The following COL13A1 variants were observed in gnomAD, a reference collection of about 807,000 sequenced individuals.
COL13A1 encodes collagen alpha-1(XIII) chain.
Under a neutral mutation model 130.9 loss-of-function variants are expected in COL13A1, and 89 were observed. That is an observed-to-expected ratio of 0.68 (90% CI 0.57 to 0.81). The LOEUF (loss-of-function observed/expected upper bound fraction) is 0.81. Among genes scored for constraint, COL13A1 ranks in the 30% least tolerant of loss-of-function variants. The pLI is 0.00. For synonymous variants in COL13A1, 402 were observed against 341.6 expected (o/e 1.18, Z -1.95); for missense variants, 879 against 934.6 (o/e 0.94, Z 0.78).
chr10:69,820,411 T>C (rs563116189), intron 1 of COL13A1, among the ~76,000 whole-genome samples: 3 of 152,336 alleles, frequency 2.0e-5, no homozygotes, highest in South Asian at 2.1e-4. Context: ...TCTTGGCTTG[T>C]CAGTCATTTA....
At chr10:69,845,196 T>TTTTTC in intron 2 of COL13A1, among the ~76,000 whole-genome samples, 1 of 6,942 alleles carries the variant, frequency 1.4e-4, no homozygotes, top group African/African-American at 2.3e-4. Flanking sequence ...TTTCTTTTTC[T>TTTTTC]TTTTTTTTTT....
chr10:69,803,152 C>T (rs1054992712), intron 1 of COL13A1, among the ~76,000 whole-genome samples: 9 of 152,204 alleles, frequency 5.9e-5, no homozygotes, highest in African/African-American at 2.2e-4. Context: ...CCCTCCCCCT[C>T]CACCCCTTAA....
At chr10:69,820,642 C>A (rs1845829327) in intron 1 of COL13A1, among the ~76,000 whole-genome samples, 1 of 152,226 alleles carries the variant, frequency 6.6e-6, no homozygotes, top group Non-Finnish European at 1.5e-5. Flanking sequence ...CCTCAACATT[C>A]ATCCTCCTAA....
At chr10:69,896,543 G>A (rs1040037277) in intron 13 of COL13A1, among the ~76,000 whole-genome samples, 2 of 152,310 alleles carry the variant, frequency 1.3e-5, no homozygotes, top group Middle Eastern at 3.4e-3. Flanking sequence ...AGGCAGGTCC[G>A]GGTGGTGCGA....
intron 9 of COL13A1, 85 bp downstream of exon 9, chr10:69,888,415 A>C (rs1233723033): frequency 1.3e-6 from 2 of 1,539,718 alleles, no homozygotes; most frequent in African/African-American, 2.7e-5. Flanking sequence ...ATCCTTGGAA[A>C]ATGCTTTACT....
At chr10:69,852,420 A>C (rs1483734260) in intron 2 of COL13A1, among the ~76,000 whole-genome samples, 1 of 152,244 alleles carries the variant, frequency 6.6e-6, no homozygotes, top group African/African-American at 2.4e-5. Context: ...CTGTGAGAAA[A>C]GTGCTGCTTT....
At chr10:69,878,087 C>T in intron 6 of COL13A1, 22 bp downstream of exon 6, 2 of 702,996 alleles carry the variant, frequency 2.8e-6, no homozygotes, top group Non-Finnish European at 5.2e-6. Context: ...CTTTCCCCTT[C>T]TGCCCTGCAC....
chr10:69,836,945 A>T (rs1850236941), intron 2 of COL13A1, among the ~76,000 whole-genome samples: 1 of 150,952 alleles, frequency 6.6e-6, no homozygotes, highest in Non-Finnish European at 1.5e-5. Flanking sequence ...GTGACCTGGC[A>T]TACCATGACA....
chr10:69,954,378 C>G (rs149119113), intron 39 of COL13A1, among the ~76,000 whole-genome samples: 1 of 152,226 alleles, frequency 6.6e-6, no homozygotes, highest in Non-Finnish European at 1.5e-5. Context: ...AAAGCTGCCA[C>G]CAGATACCAG....
chr10:69,833,917 G>C (rs545295457), intron 2 of COL13A1, among the ~76,000 whole-genome samples: 2 of 152,258 alleles, frequency 1.3e-5, no homozygotes, highest in African/African-American at 4.8e-5. Flanking sequence ...CTGAAAGCCA[G>C]CTTCTATTTG....
intron 38 of COL13A1, among the ~76,000 whole-genome samples, chr10:69,949,116 G>A (rs914085762): frequency 4.6e-5 from 7 of 152,138 alleles, no homozygotes; most frequent in East Asian, 3.8e-4. Context: ...TCTTCATGCC[G>A]GGGATTTGAC....
chr10:69,842,943 T>C (rs1851996885), intron 2 of COL13A1, among the ~76,000 whole-genome samples: 2 of 152,184 alleles, frequency 1.3e-5, no homozygotes, highest in Admixed American at 1.3e-4. Flanking sequence ...TCGTGGAAGT[T>C]GGTGTCAGGA....
intron 17 of COL13A1, among the ~76,000 whole-genome samples, chr10:69,906,079 C>A (rs890849352): frequency 6.6e-6 from 1 of 152,184 alleles, no homozygotes; most frequent in Admixed American, 6.5e-5. Context: ...GCCAGAGAGT[C>A]AGAAGCACTC....
intron 2 of COL13A1, among the ~76,000 whole-genome samples, chr10:69,835,988 C>T (rs1052986586): frequency 4.6e-5 from 7 of 152,228 alleles, no homozygotes; most frequent in Admixed American, 1.3e-4. Context: ...AGTTCTGTAA[C>T]GGGGCCAAGG....
intron 1 of COL13A1, among the ~76,000 whole-genome samples, chr10:69,809,501 T>G (rs1022003543): frequency 3.3e-5 from 5 of 152,244 alleles, no homozygotes; most frequent in Admixed American, 3.3e-4. Context: ...GAAGAGAGAA[T>G]AGAGGCACAG....
At chr10:69,805,866 G>A (rs563887399) in intron 1 of COL13A1, among the ~76,000 whole-genome samples, 8 of 152,326 alleles carry the variant, frequency 5.3e-5, no homozygotes, top group Admixed American at 1.3e-4. Flanking sequence ...ACAAGAGAGG[G>A]GAAATGGTTT....
intron 14 of COL13A1, among the ~76,000 whole-genome samples, chr10:69,901,516 G>A (rs2135089484): frequency 6.6e-6 from 1 of 152,304 alleles, no homozygotes; most frequent in East Asian, 1.9e-4. Flanking sequence ...ATAGGGGCTT[G>A]CTGAGATCCT....
chr10:69,905,092 C>A, intron 16 of COL13A1, 133 bp downstream of exon 16: 1 of 1,061,772 alleles, frequency 9.4e-7, no homozygotes, highest in Non-Finnish European at 1.4e-6. Context: ...AAGCTTGACC[C>A]ACTTACAAAA....
chr10:69,940,905 C>T (rs185706331), intron 34 of COL13A1, 83 bp from the exon 35 acceptor site: 3 of 1,584,662 alleles, frequency 1.9e-6, no homozygotes, highest in Admixed American at 1.7e-5. Context: ...GCTTTACTCA[C>T]CTCTTCCCTC....
Sources: gnomAD v4.1 joint callset for allele counts (sites outside exome capture counted in the v4.1 genomes callset) on GRCh38, gnomAD v4.1.1 for gene constraint, MANE v1.5 for transcripts, NCBI Gene and HGNC (gene_info 2026-07-23, HGNC 2026-07-21) for gene names.